The following ICE2 variants were observed in gnomAD, a reference collection of about 807,000 sequenced individuals.
The protein encoded by ICE2 is interactor of little elongation complex ELL subunit 2.
ICE2 carries 87 observed loss-of-function variants against 105.4 expected under a neutral mutation model. That is an observed-to-expected ratio of 0.83 (90% confidence interval 0.69 to 0.99). The LOEUF is 0.99. ICE2 is among the 50% of genes least tolerant of loss of function. The pLI, the probability that ICE2 is intolerant of heterozygous loss-of-function variation, is 0.00. For synonymous variants in ICE2, 399 were observed against 392.0 expected, an observed-to-expected ratio of 1.02 and a Z score of -0.21; for missense variants, 1,323 against 1,146.7, an observed-to-expected ratio of 1.15 and a Z score of -2.22.
At chr15:60,435,390 G>A (rs746898730) in intron 13 of ICE2, among the ~76,000 whole-genome samples, 17 of 151,458 alleles carry the variant, frequency 1.1e-4, no homozygotes, top group East Asian at 5.8e-4. Flanking sequence ...ACCCGAGGTC[G>A]GGAGTTTGAG....
chr15:60,460,937 A>C (rs2064259452), intron 5 of ICE2, among the ~76,000 whole-genome samples: 1 of 152,186 alleles, frequency 6.6e-6, no homozygotes, highest in South Asian at 2.1e-4. Flanking sequence ...TCTCAATGCA[A>C]GCACCCCTGA....
chr15:60,470,972 C>A (rs867075798), intron 3 of ICE2, among the ~76,000 whole-genome samples: 1 of 152,048 alleles, frequency 6.6e-6, no homozygotes, highest in African/African-American at 2.4e-5. Flanking sequence ...TGCATCTGGA[C>A]AAAGGGTGAG....
chr15:60,434,334 C>T (rs943475888), intron 13 of ICE2, among the ~76,000 whole-genome samples: 2 of 152,094 alleles, frequency 1.3e-5, no homozygotes, highest in Non-Finnish European at 2.9e-5. Context: ...CTGTACTATC[C>T]TTTCCCTTTC....
At chr15:60,432,279 C>A (rs574058098) in intron 13 of ICE2, among the ~76,000 whole-genome samples, 2 of 150,708 alleles carry the variant, frequency 1.3e-5, no homozygotes, top group East Asian at 2.0e-4. Flanking sequence ...CCTCCACCTC[C>A]CGGATTCAAG....
At position 60,477,953 on chromosome 15, in the gene ICE2, C is replaced by G; in HGVS notation, c.25G>C (p.Glu9Gln). Residue 9 changes from glutamate (E) to glutamine (Q), a missense_variant, in exon 2 of 16, where the codon GAA becomes CAA. Glu to Gln is a conservative substitution (Grantham distance 29, BLOSUM62 2). Transcript: ENST00000261520. MSSKMVIS[E>Q]PGLNWDISPK... ...ACAACTCACCAATTCAGTCCTGGTT[C>G]ACTTATGACCATCTTGGAGCTCATC... The G allele has an allele frequency of 6.2e-7, 1 of 1,614,098 alleles. No homozygotes were observed. Among genetic ancestry groups the G allele is most frequent in the Non-Finnish European group, 8.5e-7 (1 of 1,179,954 alleles).
chr15:60,430,934 G>A (rs1241241895), intron 14 of ICE2, among the ~76,000 whole-genome samples: 1 of 152,038 alleles, frequency 6.6e-6, no homozygotes, highest in Non-Finnish European at 1.5e-5. Flanking sequence ...GAGTGCAGTG[G>A]CACATCTCAG....
At chr15:60,456,190 G>A (rs1369218196) in intron 6 of ICE2, among the ~76,000 whole-genome samples, 1 of 151,364 alleles carries the variant, frequency 6.6e-6, no homozygotes, top group Admixed American at 6.6e-5. Context: ...AAGGGAAACA[G>A]ATTGGTATTA....
chr15:60,435,817 A>G (rs1480725447), intron 13 of ICE2, among the ~76,000 whole-genome samples: 1 of 152,078 alleles, frequency 6.6e-6, no homozygotes, highest in Admixed American at 6.5e-5. Context: ...CTCCACAAAA[A>G]ATACAAAAAT....
chr15:60,423,751 C>G lies in ICE2; in HGVS notation c.2832G>C (p.Thr944=), dbSNP rs1230892304. The G allele has an allele frequency of 1.8e-5, 28 of 1,590,570 alleles. No individual in the cohort carries two copies. Among genetic ancestry groups the G allele is most frequent in the Non-Finnish European group, 2.4e-5 (28 of 1,172,232 alleles). ...DTTTQQKIGG[T]RMPTRSHRNP... is the part of the protein sequence containing the mutation. Reference sequence around the variant, plus strand: ...TCCTGTGGCTGCGTGTAGGCATTCTCGTTCCACCAATCTAAGAGATGAAGC... The same window carrying G: ...TCCTGTGGCTGCGTGTAGGCATTCTGGTTCCACCAATCTAAGAGATGAAGC... Residue 944 remains threonine (T), a synonymous_variant, in exon 16 of 16, where the codon ACG becomes ACC. Transcript: ENST00000261520.
intron 3 of ICE2, among the ~76,000 whole-genome samples, chr15:60,472,772 G>A (rs769748024): frequency 6.6e-5 from 10 of 152,078 alleles, no homozygotes; most frequent in Admixed American, 6.5e-4. Flanking sequence ...AGGATCACCT[G>A]AGCCCAGGAA....
At chr15:60,432,094 GA>G (rs1408020152) in intron 13 of ICE2, 110 bp from the exon 14 acceptor site, 4 of 496,394 alleles carry the variant, frequency 8.1e-6, no homozygotes, top group Non-Finnish European at 1.1e-5. Flanking sequence ...AAAAACAGCG[GA>G]TGAGATAATG....
At chr15:60,468,759 A>C (rs777269183) in intron 3 of ICE2, among the ~76,000 whole-genome samples, 39 of 152,350 alleles carry the variant, frequency 2.6e-4, no homozygotes, top group Non-Finnish European at 5.1e-4. Flanking sequence ...CACAAATTTG[A>C]GATTAACAAA....
intron 1 of ICE2, chr15:60,478,687 C>T (rs2064841100): frequency 3.0e-6 from 1 of 336,156 alleles, no homozygotes; most frequent in Non-Finnish European, 5.9e-6. Flanking sequence ...GTCGGTCTCT[C>T]GACACCGAAC....
chr15:60,436,330 C>A (rs1595754040), intron 12 of ICE2, 103 bp from the exon 13 acceptor site: 2 of 448,524 alleles, frequency 4.5e-6, no homozygotes, highest in Non-Finnish European at 8.0e-6. Flanking sequence ...ATTTTAATAA[C>A]TGTGAAGAAA....
At chr15:60,463,672 C>T (rs1227463209) in intron 5 of ICE2, among the ~76,000 whole-genome samples, 4 of 152,094 alleles carry the variant, frequency 2.6e-5, no homozygotes, top group South Asian at 2.1e-4. Flanking sequence ...ACTTGGAAGG[C>T]GGAAGCAGAA....
At chr15:60,450,475 A>C (rs138533373) in intron 9 of ICE2, among the ~76,000 whole-genome samples, 1 of 152,324 alleles carries the variant, frequency 6.6e-6, no homozygotes, top group African/African-American at 2.4e-5. Flanking sequence ...TAATGGAAAA[A>C]CTACACACGG....
At chr15:60,440,401 G>C (rs2063694013) in intron 12 of ICE2, 2 of 152,214 alleles carry the variant, frequency 1.3e-5, no homozygotes, top group African/African-American at 2.4e-5. Context: ...GTGGGAAACT[G>C]TCTTAAAGGA....
intron 3 of ICE2, among the ~76,000 whole-genome samples, chr15:60,474,733 CTAAGTA>C (rs2064708030): frequency 6.6e-6 from 1 of 152,074 alleles, no homozygotes; most frequent in Admixed American, 6.6e-5. Context: ...TTAAAGAAGT[CTAAGTA>C]TAAATGAGAG....
At chr15:60,455,255 A>G (rs2064073190) in intron 7 of ICE2, 71 bp downstream of exon 7, 1 of 1,531,522 alleles carries the variant, frequency 6.5e-7, no homozygotes, top group Non-Finnish European at 8.9e-7. Context: ...ACTTTGGGAC[A>G]ATCGGGTTAG....
Sources: gnomAD v4.1 joint callset for allele counts (sites outside exome capture counted in the v4.1 genomes callset) on GRCh38, gnomAD v4.1.1 for gene constraint, MANE v1.5 for transcripts, NCBI Gene and HGNC (gene_info 2026-07-23, HGNC 2026-07-21) for gene names.